TF: variants seen among roughly 807,000 people sequenced by gnomAD.
The protein encoded by TF is transferrin, also known as serotransferrin.
TF carries 55 observed loss-of-function variants against 82.4 expected under a neutral mutation model. The ratio of observed to expected loss-of-function variants is 0.67; its 90% CI spans 0.54 to 0.84. The LOEUF (loss-of-function observed/expected upper bound fraction) is 0.84, where lower values mean the gene tolerates loss of function less well. TF is among the 40% of genes least tolerant of loss of function. The pLI, the probability that TF is intolerant of heterozygous loss-of-function variation, is 0.00. For synonymous variants in TF, 332 were observed against 332.6 expected, an observed-to-expected ratio of 1.00 and a Z score of 0.02; for missense variants, 737 against 868.4, an observed-to-expected ratio of 0.85 and a Z score of 1.90.
the TF span, among the ~76,000 whole-genome samples, chr3:133,674,617 T>G: frequency 6.6e-6 from 1 of 152,160 alleles, no homozygotes. Context: ...GCTCGCTATC[T>G]GCGCCCTGCT....
At chr3:133,722,815 A>C in the TF span, among the ~76,000 whole-genome samples, 3 of 152,192 alleles carry the variant, frequency 2.0e-5, no homozygotes, top group Non-Finnish European at 2.9e-5. Context: ...ACATAGCACC[A>C]TTATATCATG....
the TF span, among the ~76,000 whole-genome samples, chr3:133,717,135 C>A: frequency 0.58 from 88,668 of 151,952 alleles, 26,407 homozygotes; most frequent in East Asian, 0.76. Context: ...TATATATTTT[C>A]TCTACTTACC....
the TF span, among the ~76,000 whole-genome samples, chr3:133,665,313 A>C: frequency 2.0e-5 from 3 of 152,012 alleles, no homozygotes; most frequent in Non-Finnish European, 4.4e-5. Context: ...CAAAAAATAC[A>C]AAAATGAGCT....
Position 133,787,282 on chromosome 3 carries a change from G to A in TF, c.*8662G>A, listed in dbSNP as rs1310346067. On this transcript the variant is annotated 3_prime_UTR_variant, in exon 17 of 17. Coordinates refer to ENST00000402696, the MANE Select transcript of TF (RefSeq NM_001063.4). ...ATAGGAAAGCTTGTCTTCTGTAAATGATTTTTGGGTATGAATTTGTTCAGC... is the reference window on the plus strand; with the variant it reads ...ATAGGAAAGCTTGTCTTCTGTAAATAATTTTTGGGTATGAATTTGTTCAGC... The A allele has an allele frequency of 6.6e-6, 1 of 152,150 alleles. No individual in the cohort carries two copies. Among genetic ancestry groups the A allele is most frequent in the Non-Finnish European group, 1.5e-5 (1 of 68,026 alleles). The allele number at this position is 152,150 out of a possible 1,614,324, so 9.4% of individuals were successfully genotyped here.
chr3:133,725,750 T>A, the TF span, among the ~76,000 whole-genome samples: 1 of 152,130 alleles, frequency 6.6e-6, no homozygotes, highest in Non-Finnish European at 1.5e-5. Context: ...TCAAAAGGAA[T>A]GCTTCCAGTT....
intron 9 of TF, 100 bp from the exon 10 acceptor site, chr3:133,764,082 T>C (rs559815107): frequency 2.1e-4 from 205 of 976,766 alleles, no homozygotes; most frequent in Non-Finnish European, 3.2e-4. Flanking sequence ...CTCCCTGGCA[T>C]TCATGTGCTG....
At chr3:133,754,210 G>C in intron 3 of TF, 1 of 470,074 alleles carries the variant, frequency 2.1e-6, no homozygotes, top group South Asian at 2.1e-5. Flanking sequence ...GGTAGGTGTA[G>C]GCAGACACGC....
At position 133,778,728 on chromosome 3, in the gene TF, T is replaced by C; in HGVS notation, c.*108T>C. The C allele has an allele frequency of 8.7e-7, 1 of 1,149,930 alleles. No individual in the cohort carries two copies. Among genetic ancestry groups the C allele is most frequent in the Non-Finnish European group, 1.3e-6 (1 of 774,074 alleles). 71.2% of individuals were successfully genotyped at this position (1,149,930 alleles called of 1,614,324 possible). A position where few individuals can be genotyped will look rare whatever the true frequency, so the allele number is the denominator to read the frequency against. On this transcript the variant is annotated 3_prime_UTR_variant, in exon 17 of 17. Transcript: ENST00000402696. ...TGGTTTGTGCTAACCACGTCTGTCT[T>C]CACAGCTCTGTGTTGCCATGTGTGC... is the stretch of plus-strand genomic sequence containing the variant.
intron 3 of TF, chr3:133,754,081 C>T (rs964755618): frequency 4.0e-5 from 17 of 425,070 alleles, no homozygotes; most frequent in Non-Finnish European, 6.6e-5. Flanking sequence ...CACTCAGAGG[C>T]CAGCAGCCCT....
rs1934503565 is a variant in TF, at chr3:133,780,957, G to A, written c.*2337G>A. 6.6e-6 allele frequency: 1 copy of A among 152,194 alleles called. No individual in the cohort carries two copies. Among genetic ancestry groups the A allele is most frequent in the African/African-American group, 2.4e-5 (1 of 41,422 alleles). 9.4% of individuals were successfully genotyped at this position (152,194 alleles called of 1,614,324 possible). A position where few individuals can be genotyped will look rare whatever the true frequency, so the allele number is the denominator to read the frequency against. ...GATCCTGGGAGGCAGAGGTTGCAGT[G>A]AGCCAAGGTCGCACCAGAGCACTCC... On this transcript the variant is annotated 3_prime_UTR_variant, in exon 17 of 17. Coordinates refer to ENST00000402696, the MANE Select transcript of TF (RefSeq NM_001063.4).
At position 133,775,435 on chromosome 3, in the gene TF, A is replaced by C. The variant is rs1398050393; in HGVS notation, c.1690A>C (p.Lys564Gln). The C allele has an allele frequency of 1.2e-6, 2 of 1,614,110 alleles. No homozygotes were observed. Among genetic ancestry groups the C allele is most frequent in the Non-Finnish European group, 1.7e-6 (2 of 1,180,048 alleles). The part of the protein sequence containing the change: ...HQTVPQNTGG[K>Q]NPDPWAKNLN... ...AACCACCTTCTTCCTGTCCCTAGGAAAAAACCCTGATCCATGGGCTAAGAA... is the reference window on the plus strand; with the variant it reads ...AACCACCTTCTTCCTGTCCCTAGGACAAAACCCTGATCCATGGGCTAAGAA... The change falls in exon 15 of 17, where the codon AAA becomes CAA. Residue 564 changes from lysine to glutamine, a missense_variant and splice_region_variant. Physicochemically the swap from Lys to Gln is moderately conservative, Grantham distance 53 (BLOSUM62 1). Transcript: ENST00000402696.
chr3:133,732,789 C>A, the TF span, among the ~76,000 whole-genome samples: 3 of 151,432 alleles, frequency 2.0e-5, no homozygotes, highest in Non-Finnish European at 4.4e-5. Context: ...TGTTCTTGAA[C>A]TCAGCGAGAC....
intron 12 of TF, among the ~76,000 whole-genome samples, chr3:133,767,524 A>C (rs1160820918): frequency 6.6e-6 from 1 of 152,160 alleles, no homozygotes; most frequent in Non-Finnish European, 1.5e-5. Flanking sequence ...CAGGATCCCC[A>C]CTGACAAAGG....
chr3:133,764,453 T>C (rs41295794), intron 10 of TF, among the ~76,000 whole-genome samples, 178 bp downstream of exon 10: 1 of 152,304 alleles, frequency 6.6e-6, no homozygotes, highest in African/African-American at 2.4e-5. Context: ...ATCTTGAAGG[T>C]TGGGAGTTAT....
chr3:133,767,362 T>TA (rs1934152995), intron 12 of TF, among the ~76,000 whole-genome samples: 1 of 152,154 alleles, frequency 6.6e-6, no homozygotes, highest in South Asian at 2.1e-4. Flanking sequence ...GGCAACTCTT[T>TA]AAAAAAGAAA....
chr3:133,736,716 C>A, the TF span, among the ~76,000 whole-genome samples: 1 of 131,684 alleles, frequency 7.6e-6, no homozygotes. Flanking sequence ...AAAAAAAAGA[C>A]AAAGAAGAGT....
At chr3:133,735,356 GA>G in the TF span, among the ~76,000 whole-genome samples, 4 of 139,136 alleles carry the variant, frequency 2.9e-5, no homozygotes, top group Admixed American at 2.8e-4. Context: ...AAAAAAAAAA[GA>G]AATAATTGTG....
At chr3:133,732,911 G>T in the TF span, among the ~76,000 whole-genome samples, 5 of 152,158 alleles carry the variant, frequency 3.3e-5, no homozygotes, top group Non-Finnish European at 7.4e-5. Flanking sequence ...TGAAAGTCTT[G>T]GTGTATAGAA....
upstream of TF, among the ~76,000 whole-genome samples, chr3:133,742,276 C>A (rs552760221): frequency 2.6e-4 from 39 of 152,278 alleles, no homozygotes; most frequent in Admixed American, 2.2e-3. Flanking sequence ...GCCACCACCC[C>A]CACGCTGTAA....
Sources: allele counts gnomAD v4.1 joint callset (sites outside exome capture counted in the v4.1 genomes callset), GRCh38; gene constraint gnomAD v4.1.1; transcripts MANE v1.5; gene names NCBI Gene and HGNC (gene_info 2026-07-23, HGNC 2026-07-21).